Variants in ATRNL1 observed in about 807,000 individuals in gnomAD.
ATRNL1 encodes the protein attractin like 1.
In ATRNL1, 95 loss-of-function variants were observed where a neutral mutation model predicts 182.7. The ratio of observed to expected loss-of-function variants is 0.52; its 90% CI spans 0.44 to 0.62. The LOEUF (loss-of-function observed/expected upper bound fraction) is 0.62. ATRNL1 is among the 20% of genes least tolerant of loss of function. The probability of loss-of-function intolerance (pLI) is 0.00; values close to 1 mark genes in which losing one functional copy is unlikely to be tolerated. For synonymous variants in ATRNL1, 576 were observed against 568.3 expected (o/e 1.01, Z -0.19); for missense variants, 1,471 against 1,679.5 (o/e 0.88, Z 2.17).
At chr10:115,812,946 T>C (rs183971739) in intron 27 of ATRNL1, among the ~76,000 whole-genome samples, 53 of 152,286 alleles carry the variant, frequency 3.5e-4, no homozygotes, top group African/African-American at 1.3e-3. Flanking sequence ...CAATATTAAT[T>C]ATTTAATTTA....
intron 28 of ATRNL1, among the ~76,000 whole-genome samples, chr10:115,872,597 G>A (rs1951610321): frequency 1.3e-5 from 2 of 152,228 alleles, no homozygotes; most frequent in South Asian, 4.1e-4. Context: ...TGACTAGGTA[G>A]AAGTCCAGTG....
At chr10:115,505,293 T>C (rs1402867835) in intron 24 of ATRNL1, among the ~76,000 whole-genome samples, 1 of 90,342 alleles carries the variant, frequency 1.1e-5, no homozygotes, top group Non-Finnish European at 2.5e-5. Context: ...ATGGCATCCA[T>C]GCTTTTACAG....
rs782001175 is a variant in ATRNL1, at chr10:115,500,920, C to CA, written c.3655-18343_3655-18342insA. ...TTCATAGCAGAAATTTCAGGTAAGACTTTTTTTTTTTTTTTTTTTTTTTTT... is the reference window on the plus strand; with the variant it reads ...TTCATAGCAGAAATTTCAGGTAAGACATTTTTTTTTTTTTTTTTTTTTTTTT... On this transcript the variant is annotated intron_variant, in intron 24 of 28. Coordinates refer to ENST00000355044, the MANE Select transcript of ATRNL1 (RefSeq NM_207303.4). Among the ~76,000 whole-genome samples, 92 of 54,464 alleles carry CA rather than the reference C, an allele frequency of 1.7e-3. 1 individual carries two copies. The highest frequency in any genetic ancestry group is 5.9e-3 in the African/African-American group (73 of 12,476). The allele number at this position is 54,464 out of a possible 152,430, so 35.7% of individuals were successfully genotyped here.
At chr10:115,649,750 T>G (rs1173864114) in intron 26 of ATRNL1, among the ~76,000 whole-genome samples, 2 of 152,156 alleles carry the variant, frequency 1.3e-5, no homozygotes, top group Non-Finnish European at 2.9e-5. Flanking sequence ...GTTTTCCAAG[T>G]GTCATAATAA....
At chr10:115,457,463 T>A (rs1400247123) in intron 21 of ATRNL1, among the ~76,000 whole-genome samples, 4 of 152,046 alleles carry the variant, frequency 2.6e-5, no homozygotes, top group African/African-American at 9.7e-5. Context: ...GGCTTGAAGG[T>A]TGGCTTTCAC....
At chr10:115,120,547 G>T (rs1437026336) in intron 2 of ATRNL1, among the ~76,000 whole-genome samples, 1 of 152,002 alleles carries the variant, frequency 6.6e-6, no homozygotes, top group Non-Finnish European at 1.5e-5. Flanking sequence ...ATCTTGTTAT[G>T]AAATTTGAAG....
At chr10:115,831,984 T>G (rs1210022871) in intron 27 of ATRNL1, among the ~76,000 whole-genome samples, 1 of 152,190 alleles carries the variant, frequency 6.6e-6, no homozygotes, top group Non-Finnish European at 1.5e-5. Flanking sequence ...TCAAATAGTC[T>G]TCTTCTGAAG....
chr10:115,441,472 A>G (rs1314709871), intron 21 of ATRNL1, among the ~76,000 whole-genome samples: 1 of 151,794 alleles, frequency 6.6e-6, no homozygotes, highest in Non-Finnish European at 1.5e-5. Context: ...TTCCTATCAT[A>G]CTTTCCAATT....
At chr10:115,817,219 A>T (rs11817252) in intron 27 of ATRNL1, among the ~76,000 whole-genome samples, 11,052 of 152,116 alleles carry the variant, frequency 0.073, 1,360 homozygotes, top group African/African-American at 0.25. Context: ...GATTTGAATG[A>T]CCAAGAACAT....
chr10:115,202,276 G>A (rs1419574771), intron 8 of ATRNL1, among the ~76,000 whole-genome samples: 2 of 151,236 alleles, frequency 1.3e-5, no homozygotes, highest in African/African-American at 4.9e-5. Context: ...ATGTTGAATA[G>A]GAGTGGTGAG....
At chr10:115,621,303 AGAGAGAGAGAGTGTGT>A (rs1382942095) in intron 26 of ATRNL1, among the ~76,000 whole-genome samples, 1 of 137,260 alleles carries the variant, frequency 7.3e-6, no homozygotes, top group African/African-American at 2.8e-5. Context: ...AGAGAGAGAG[AGAGAGAGAGAGTGTGT>A]GAGTGAGTCA....
chr10:115,397,631 T>C (rs2485965), intron 20 of ATRNL1, among the ~76,000 whole-genome samples: 59,061 of 151,708 alleles, frequency 0.39, 12,646 homozygotes, highest in African/African-American at 0.57. Flanking sequence ...AAAATTTAAG[T>C]AGAGGATGTT....
chr10:115,457,556 C>T (rs1041856879), intron 21 of ATRNL1, among the ~76,000 whole-genome samples: 1 of 151,984 alleles, frequency 6.6e-6, no homozygotes, highest in Non-Finnish European at 1.5e-5. Context: ...ATTTACTTTC[C>T]CTCTTTTTAA....
intron 26 of ATRNL1, among the ~76,000 whole-genome samples, chr10:115,723,731 A>AT (rs35138871): frequency 6.6e-6 from 1 of 151,188 alleles, no homozygotes; most frequent in African/African-American, 2.4e-5. Flanking sequence ...TTTTATTTTT[A>AT]TTTTTTAGCA....
At chr10:115,911,668 T>C (rs1952682831) in intron 28 of ATRNL1, among the ~76,000 whole-genome samples, 1 of 152,118 alleles carries the variant, frequency 6.6e-6, no homozygotes, top group South Asian at 2.1e-4. Context: ...GTTGAGGCAA[T>C]TGACTTATCT....
intron 5 of ATRNL1, among the ~76,000 whole-genome samples, chr10:115,138,937 T>C (rs1845639338): frequency 6.6e-6 from 1 of 152,338 alleles, no homozygotes; most frequent in South Asian, 2.1e-4. Flanking sequence ...AGAATCCAAG[T>C]CATATCTTGA....
intron 26 of ATRNL1, among the ~76,000 whole-genome samples, chr10:115,658,717 T>C (rs1565258118): frequency 6.6e-6 from 1 of 152,128 alleles, no homozygotes; most frequent in African/African-American, 2.4e-5. Flanking sequence ...TAGAGTTGCC[T>C]CAAGCTGGCT....
intron 25 of ATRNL1, among the ~76,000 whole-genome samples, chr10:115,534,936 C>T (rs1326694260): frequency 2.6e-5 from 4 of 152,202 alleles, no homozygotes. Context: ...CCTATTGGCC[C>T]CCACTCTATT....
chr10:115,779,362 G>A (rs944262776), intron 27 of ATRNL1, among the ~76,000 whole-genome samples: 3 of 152,200 alleles, frequency 2.0e-5, no homozygotes, highest in East Asian at 1.9e-4. Context: ...CTAGGTCAGC[G>A]AGTCATCTGT....
Sources: allele counts gnomAD v4.1 joint callset (sites outside exome capture counted in the v4.1 genomes callset), GRCh38; gene constraint gnomAD v4.1.1; transcripts MANE v1.5; gene names NCBI Gene and HGNC (gene_info 2026-07-23, HGNC 2026-07-21).